The following MYO6 variants were observed in gnomAD, a reference collection of about 807,000 sequenced individuals.
MYO6 encodes the protein unconventional myosin-VI.
In MYO6, 74 loss-of-function variants were observed where a neutral mutation model predicts 178.7. The observed-to-expected ratio is 0.41, with a 90% confidence interval of 0.34 to 0.50. The LOEUF (loss-of-function observed/expected upper bound fraction) is 0.50. MYO6 is among the 20% of genes least tolerant of loss of function. The pLI, the probability that MYO6 is intolerant of heterozygous loss-of-function variation, is 0.09. For missense variants in MYO6, 1,330 were observed against 1,547.4 expected, an observed-to-expected ratio of 0.86 and a Z score of 2.36; for synonymous variants, 477 against 504.6, an observed-to-expected ratio of 0.95 and a Z score of 0.73.
chr6:75,761,639 T>G (rs1019594699), intron 1 of MYO6, among the ~76,000 whole-genome samples: 12 of 145,910 alleles, frequency 8.2e-5, no homozygotes, highest in Admixed American at 5.4e-4. Flanking sequence ...ACACATTTTT[T>G]TTTTCCTTTT....
intron 1 of MYO6, among the ~76,000 whole-genome samples, chr6:75,761,422 A>G (rs1049157529): frequency 1.3e-5 from 2 of 152,214 alleles, no homozygotes; most frequent in African/African-American, 4.8e-5. Context: ...ATTTAATTTT[A>G]TATTTTATAG....
chr6:75,863,203 C>T lies in MYO6; in HGVS notation c.1674+480C>T, dbSNP rs550150671. 1.2e-4 allele frequency among the ~76,000 whole-genome samples: 19 copies of T among 152,298 alleles called. No homozygotes were observed. In the South Asian group the frequency reaches 3.3e-3, roughly 27 times the overall value. On this transcript the variant is annotated intron_variant, in intron 16 of 34. Transcript: ENST00000369977. ...CTTAATCACATTCCAGGAGTTGGCA[C>T]TCGGAGTCGCAAGCAGCCATCTGTC...
chr6:75,817,485 T>C lies in MYO6; in HGVS notation c.-47-16T>C, dbSNP rs1771395261. 1 of 1,223,714 alleles carries C rather than the reference T, an allele frequency of 8.2e-7. No individual in the cohort carries two copies. The highest frequency in any genetic ancestry group is 1.5e-5 in the African/African-American group (1 of 67,430). 75.8% of individuals were successfully genotyped at this position (1,223,714 alleles called of 1,614,324 possible). ...CAAAACTGATTCATGTTGCTGTATTTGTTCCTTTGAAACAGGTGACAGTGG... is the reference window on the plus strand; with the variant it reads ...CAAAACTGATTCATGTTGCTGTATTCGTTCCTTTGAAACAGGTGACAGTGG... On this transcript the variant is annotated splice_polypyrimidine_tract_variant and intron_variant, in intron 1 of 34. Transcript: ENST00000369977.
chr6:75,785,640 AT>A lies in MYO6; in HGVS notation c.-47-31850del, dbSNP rs894731579. Reference sequence around the variant, plus strand: ...ACTGCCTGGCTTTTGCGTTCTGTTAATTTTTTTTTTTCCTATTGTAAGATCA... The same window carrying A: ...ACTGCCTGGCTTTTGCGTTCTGTTAATTTTTTTTTTCCTATTGTAAGATCA... On this transcript the variant is annotated intron_variant, in intron 1 of 34. Transcript: ENST00000369977. 1.8e-3 allele frequency among the ~76,000 whole-genome samples: 259 copies of A among 145,342 alleles called. 1 individual carries two copies. The highest frequency in any genetic ancestry group is 5.0e-3 in the African/African-American group (199 of 39,886).
intron 18 of MYO6, 118 bp downstream of exon 18, chr6:75,867,223 C>G: frequency 2.5e-6 from 2 of 796,672 alleles, no homozygotes; most frequent in Non-Finnish European, 3.9e-6. Flanking sequence ...CAAGAGCAGA[C>G]CCTGCATTGT....
chr6:75,806,651 C>T (rs904493788), intron 1 of MYO6, among the ~76,000 whole-genome samples: 6 of 152,168 alleles, frequency 3.9e-5, no homozygotes, highest in African/African-American at 1.4e-4. Context: ...CCGCCCAGGG[C>T]GGAAAACTGC....
intron 5 of MYO6, among the ~76,000 whole-genome samples, chr6:75,831,795 T>C (rs1773119701): frequency 6.7e-6 from 1 of 149,558 alleles, no homozygotes; most frequent in South Asian, 2.1e-4. Flanking sequence ...GAGGCAGTGG[T>C]GGGAAGATCG....
intron 16 of MYO6, among the ~76,000 whole-genome samples, chr6:75,864,135 GA>G (rs1406236617): frequency 6.6e-6 from 1 of 152,146 alleles, no homozygotes; most frequent in Non-Finnish European, 1.5e-5. Flanking sequence ...TTGCCTAGTG[GA>G]ATTAGGGAAC....
chr6:75,771,064 G>A (rs911072646), intron 1 of MYO6, among the ~76,000 whole-genome samples: 3 of 149,726 alleles, frequency 2.0e-5, no homozygotes. Flanking sequence ...GTGCAGTGAT[G>A]CAAACACAGT....
At chr6:75,852,336 T>G (rs1775355756) in intron 11 of MYO6, among the ~76,000 whole-genome samples, 1 of 152,198 alleles carries the variant, frequency 6.6e-6, no homozygotes, top group Non-Finnish European at 1.5e-5. Context: ...TTTTTCTTTT[T>G]TTTTGGTAGG....
intron 7 of MYO6, 118 bp from the exon 8 acceptor site, chr6:75,840,467 A>T: frequency 1.3e-6 from 1 of 763,326 alleles, no homozygotes; most frequent in Non-Finnish European, 2.3e-6. Flanking sequence ...CGCCCATGTT[A>T]ATATTTTTTA....
chr6:75,907,815 T>TGTGTGC, intron 31 of MYO6, 107 bp downstream of exon 31: 1 of 807,634 alleles, frequency 1.2e-6, no homozygotes, highest in Non-Finnish European at 2.1e-6. Flanking sequence ...TGTGTGTGTG[T>TGTGTGC]GTATGTGTGT....
At chr6:75,755,787 T>C (rs1250035457) in intron 1 of MYO6, among the ~76,000 whole-genome samples, 2 of 152,222 alleles carry the variant, frequency 1.3e-5, no homozygotes, top group African/African-American at 4.8e-5. Flanking sequence ...TTCTAAGTTC[T>C]AGGGATACAG....
intron 1 of MYO6, among the ~76,000 whole-genome samples, chr6:75,774,289 A>G (rs1297066640): frequency 6.6e-6 from 1 of 152,246 alleles, no homozygotes; most frequent in Non-Finnish European, 1.5e-5. Flanking sequence ...ATTTAACAGC[A>G]TGATAGTTAA....
chr6:75,849,967 A>G (rs917531376), intron 11 of MYO6, among the ~76,000 whole-genome samples: 1 of 152,094 alleles, frequency 6.6e-6, no homozygotes. Context: ...GGCATTTAAC[A>G]TTTCTTTTAG....
At chr6:75,872,831 G>A (rs927508681) in intron 19 of MYO6, among the ~76,000 whole-genome samples, 1 of 151,318 alleles carries the variant, frequency 6.6e-6, no homozygotes, top group Non-Finnish European at 1.5e-5. Context: ...CCAGGCTGGA[G>A]TGCAGTGGCG....
chr6:75,795,376 T>C (rs979199830), intron 1 of MYO6, among the ~76,000 whole-genome samples: 11 of 152,196 alleles, frequency 7.2e-5, no homozygotes, highest in African/African-American at 2.2e-4. Context: ...CTTTGAGATA[T>C]TGCCATGCTT....
In MYO6 at chr6:75,841,121, T is replaced by C. The variant is rs1696587709; in HGVS notation, c.652-93T>C. The stretch of plus-strand genomic sequence containing the variant: ...TATTATAACCTCTTTGATAGACAAA[T>C]GGTATTAGAAAAGGTAAATAATTTA... On this transcript the variant is annotated intron_variant, in intron 8 of 34. Transcript: ENST00000369977. 13 of 1,108,408 alleles carry C rather than the reference T, an allele frequency of 1.2e-5. No individual in the cohort carries two copies. The South Asian group carries it at 1.7e-4, about 15-fold the overall frequency. 68.7% of individuals were successfully genotyped at this position (1,108,408 alleles called of 1,614,324 possible).
intron 1 of MYO6, among the ~76,000 whole-genome samples, chr6:75,762,810 A>G (rs1778066797): frequency 6.6e-6 from 1 of 152,248 alleles, no homozygotes; most frequent in African/African-American, 2.4e-5. Context: ...TACCTGTTAT[A>G]ATTACATACT....
Sources: gnomAD v4.1 joint callset for allele counts (sites outside exome capture counted in the v4.1 genomes callset) on GRCh38, gnomAD v4.1.1 for gene constraint, MANE v1.5 for transcripts, NCBI Gene and HGNC (gene_info 2026-07-23, HGNC 2026-07-21) for gene names.